ELMO1: variants seen among roughly 807,000 people sequenced by gnomAD.
ELMO1 encodes engulfment and cell motility protein 1.
In ELMO1, 26 loss-of-function variants were observed where a neutral mutation model predicts 98.9. The observed-to-expected ratio is 0.26, with a 90% CI of 0.19 to 0.36. ELMO1 has a LOEUF of 0.36. Ranked by LOEUF, ELMO1 falls within the 10% of genes least tolerant of loss-of-function variation. The pLI is 1.00. For missense variants in ELMO1, 627 were observed against 935.2 expected (o/e 0.67, Z 4.30); for synonymous variants, 346 against 346.0 (o/e 1.00, Z 0.00).
intron 14 of ELMO1, among the ~76,000 whole-genome samples, chr7:37,103,603 C>T (rs1784764702): frequency 6.6e-6 from 1 of 151,840 alleles, no homozygotes; most frequent in Non-Finnish European, 1.5e-5. Flanking sequence ...ATGGGTGCAG[C>T]ACAACGTGGC....
intron 14 of ELMO1, among the ~76,000 whole-genome samples, chr7:37,122,172 C>T (rs1433953377): frequency 6.6e-6 from 1 of 152,208 alleles, no homozygotes; most frequent in Non-Finnish European, 1.5e-5. Context: ...GTACCAGCCA[C>T]TGCAAAATCA....
At chr7:36,911,349 A>G (rs1478943528) in intron 16 of ELMO1, among the ~76,000 whole-genome samples, 1 of 152,216 alleles carries the variant, frequency 6.6e-6, no homozygotes, top group East Asian at 1.9e-4. Context: ...ATGAAATAAG[A>G]AAGAAAAACG....
chr7:37,414,292 C>T (rs1804119305), intron 1 of ELMO1, among the ~76,000 whole-genome samples: 1 of 152,144 alleles, frequency 6.6e-6, no homozygotes, highest in South Asian at 2.1e-4. Context: ...TCTTAGTATC[C>T]TGCTGGAAAA....
intron 1 of ELMO1, among the ~76,000 whole-genome samples, chr7:37,394,904 G>A (rs1226774369): frequency 6.6e-6 from 1 of 152,136 alleles, no homozygotes; most frequent in Non-Finnish European, 1.5e-5. Context: ...CCTGATTACC[G>A]GAATGTTTCA....
At chr7:36,864,320 A>T (rs1224871073) in intron 20 of ELMO1, among the ~76,000 whole-genome samples, 1 of 152,156 alleles carries the variant, frequency 6.6e-6, no homozygotes, top group East Asian at 1.9e-4. Context: ...CCCTTCTATG[A>T]CATATACCAC....
intron 4 of ELMO1, among the ~76,000 whole-genome samples, chr7:37,294,582 CA>C (rs1797935660): frequency 6.6e-6 from 1 of 152,186 alleles, no homozygotes; most frequent in African/African-American, 2.4e-5. Flanking sequence ...AACTTTTAAA[CA>C]GCCCCACACA....
At chr7:37,102,362 C>T (rs562934547) in intron 14 of ELMO1, among the ~76,000 whole-genome samples, 1 of 152,202 alleles carries the variant, frequency 6.6e-6, no homozygotes, top group Non-Finnish European at 1.5e-5. Context: ...GAGAATTAAA[C>T]AAACATGTCC....
At chr7:36,911,930 C>A (rs887775510) in intron 16 of ELMO1, among the ~76,000 whole-genome samples, 1 of 152,174 alleles carries the variant, frequency 6.6e-6, no homozygotes, top group African/African-American at 2.4e-5. Context: ...AGGCTCCAGG[C>A]CCAGCTGAGA....
At chr7:37,320,480 C>T (rs1799425236) in intron 2 of ELMO1, among the ~76,000 whole-genome samples, 2 of 152,144 alleles carry the variant, frequency 1.3e-5, no homozygotes, top group South Asian at 4.1e-4. Context: ...TGGCCCTCTC[C>T]TTCTTTCTGT....
At chr7:37,188,487 T>TA (rs869157346) in intron 13 of ELMO1, among the ~76,000 whole-genome samples, 2,685 of 32,016 alleles carry the variant, frequency 0.084, 258 homozygotes, top group African/African-American at 0.21. Context: ...TGGAGAAAGG[T>TA]AAAAAAAAAA....
chr7:37,447,185 C>A (rs1181642875), intron 1 of ELMO1, among the ~76,000 whole-genome samples: 1 of 152,136 alleles, frequency 6.6e-6, no homozygotes, highest in African/African-American at 2.4e-5. Context: ...AAGTTGCTCG[C>A]AGGGTTTTGG....
chr7:37,127,125 TCTC>T (rs1436794401), intron 14 of ELMO1, among the ~76,000 whole-genome samples: 3 of 152,278 alleles, frequency 2.0e-5, no homozygotes, highest in East Asian at 3.9e-4. Flanking sequence ...GCATGTTACT[TCTC>T]CTATCACTAC....
At chr7:37,050,648 AC>A (rs1796053962) in intron 15 of ELMO1, among the ~76,000 whole-genome samples, 1 of 150,912 alleles carries the variant, frequency 6.6e-6, no homozygotes, top group Non-Finnish European at 1.5e-5. Flanking sequence ...ACACACACAC[AC>A]ACACACACAC....
chr7:37,040,871 G>A (rs1795466868), intron 15 of ELMO1, among the ~76,000 whole-genome samples: 1 of 152,084 alleles, frequency 6.6e-6, no homozygotes, highest in Non-Finnish European at 1.5e-5. Flanking sequence ...GAGGTCAGGA[G>A]TTTAGACCAG....
At chr7:37,338,622 T>G (rs1362170502) in intron 2 of ELMO1, among the ~76,000 whole-genome samples, 1 of 152,194 alleles carries the variant, frequency 6.6e-6, no homozygotes, top group Non-Finnish European at 1.5e-5. Flanking sequence ...AGATGCTGCT[T>G]ATTGAAGTGT....
At chr7:36,999,307 G>A (rs1792463558) in intron 16 of ELMO1, among the ~76,000 whole-genome samples, 1 of 152,174 alleles carries the variant, frequency 6.6e-6, no homozygotes, top group South Asian at 2.1e-4. Context: ...GAGCAGAACA[G>A]AACTACAAAT....
At chr7:37,388,364 C>T (rs933685958) in intron 1 of ELMO1, among the ~76,000 whole-genome samples, 1 of 151,118 alleles carries the variant, frequency 6.6e-6, no homozygotes, top group Non-Finnish European at 1.5e-5. Flanking sequence ...TTTTTTTGTA[C>T]AGTGTTGTAA....
chr7:37,167,350 T>C (rs1367989320), intron 13 of ELMO1, among the ~76,000 whole-genome samples: 3 of 152,122 alleles, frequency 2.0e-5, no homozygotes, highest in African/African-American at 7.2e-5. Context: ...TTAAAGTTAA[T>C]AGTGTTATGT....
chr7:37,324,902 G>A (rs972645318), intron 2 of ELMO1, among the ~76,000 whole-genome samples: 1 of 152,158 alleles, frequency 6.6e-6, no homozygotes, highest in African/African-American at 2.4e-5. Flanking sequence ...GGACTTCCAG[G>A]GACGGCTTCT....
Sources: allele counts gnomAD v4.1 joint callset (sites outside exome capture counted in the v4.1 genomes callset), GRCh38; gene constraint gnomAD v4.1.1; transcripts MANE v1.5; gene names NCBI Gene and HGNC (gene_info 2026-07-23, HGNC 2026-07-21).